STXBP5L: variants seen among roughly 807,000 people sequenced by gnomAD.
The protein encoded by STXBP5L is syntaxin binding protein 5L, also known as syntaxin-binding protein 5-like.
A neutral mutation model predicts 144.5 loss-of-function variants in STXBP5L; 65 were observed. The observed-to-expected ratio is 0.45, with a 90% CI of 0.37 to 0.55. The LOEUF is 0.55. STXBP5L is among the 20% of genes least tolerant of loss of function. The pLI, the probability that STXBP5L is intolerant of heterozygous loss-of-function variation, is 0.00. For synonymous variants in STXBP5L, 505 were observed against 469.6 expected (o/e 1.08, Z -0.97); for missense variants, 1,298 against 1,405.5 (o/e 0.92, Z 1.22).
chr3:121,029,346 G>T (rs1015013254), intron 3 of STXBP5L, among the ~76,000 whole-genome samples: 2 of 151,988 alleles, frequency 1.3e-5, no homozygotes, highest in Admixed American at 6.6e-5. Context: ...TAGACCAATG[G>T]AACACAACAG....
At chr3:121,268,341 T>C (rs1463360983) in intron 18 of STXBP5L, among the ~76,000 whole-genome samples, 1 of 151,878 alleles carries the variant, frequency 6.6e-6, no homozygotes, top group African/African-American at 2.4e-5. Context: ...CACTCATAAG[T>C]GGGAGCTGAG....
rs149237860 is a variant in STXBP5L at position 121,360,409 on chromosome 3, GGTAA to G, written c.2177-18301_2177-18298del. 8.1e-3 allele frequency among the ~76,000 whole-genome samples: 1,233 copies of G among 151,624 alleles called. 6 individuals carry two copies. The highest frequency in any genetic ancestry group is 0.013 in the Non-Finnish European group (904 of 67,824). ...TCCATTTACTTTCAAAGTAATTCTTGGTAAGTAAGGACTTACTCCTGGCATTTTG... is the reference window on the plus strand; with the variant it reads ...TCCATTTACTTTCAAAGTAATTCTTGGTAAGGACTTACTCCTGGCATTTTG... On this transcript the variant is annotated intron_variant, in intron 20 of 26. Transcript: ENST00000471454.
intron 3 of STXBP5L, among the ~76,000 whole-genome samples, chr3:121,017,385 A>G (rs1411596394): frequency 6.6e-6 from 1 of 152,356 alleles, no homozygotes; most frequent in Admixed American, 6.5e-5. Flanking sequence ...TGAACAAGGT[A>G]AGGATGTATC....
At chr3:121,064,515 T>C (rs991610949) in intron 5 of STXBP5L, among the ~76,000 whole-genome samples, 2 of 152,222 alleles carry the variant, frequency 1.3e-5, no homozygotes, top group African/African-American at 4.8e-5. Flanking sequence ...ACCTTGAATC[T>C]ATAGATCATT....
At chr3:121,140,178 A>C (rs149659930) in intron 7 of STXBP5L, among the ~76,000 whole-genome samples, 204 of 152,274 alleles carry the variant, frequency 1.3e-3, no homozygotes, top group African/African-American at 4.2e-3. Flanking sequence ...ATCGCTCATC[A>C]TCAGGGAAAT....
At chr3:121,123,493 G>T (rs1012565077) in intron 7 of STXBP5L, among the ~76,000 whole-genome samples, 7 of 151,298 alleles carry the variant, frequency 4.6e-5, no homozygotes, top group Non-Finnish European at 7.4e-5. Flanking sequence ...TAAAAGAAAA[G>T]TTGCAGAACA....
intron 5 of STXBP5L, among the ~76,000 whole-genome samples, chr3:121,085,726 A>T (rs1304881251): frequency 6.6e-6 from 1 of 152,244 alleles, no homozygotes; most frequent in African/African-American, 2.4e-5. Flanking sequence ...AAGGATCAAT[A>T]TTATGAAAAT....
At chr3:121,348,808 C>T (rs1304462288) in intron 20 of STXBP5L, among the ~76,000 whole-genome samples, 1 of 152,028 alleles carries the variant, frequency 6.6e-6, no homozygotes, top group Non-Finnish European at 1.5e-5. Flanking sequence ...GTGATATCCC[C>T]TTTATCATTA....
chr3:121,201,636 G>A (rs2048142398), intron 9 of STXBP5L, among the ~76,000 whole-genome samples: 1 of 150,830 alleles, frequency 6.6e-6, no homozygotes, highest in Admixed American at 6.6e-5. Flanking sequence ...GTATGTTTTT[G>A]CAGTGGCCGT....
intron 9 of STXBP5L, among the ~76,000 whole-genome samples, chr3:121,205,547 T>C (rs1323723052): frequency 6.6e-6 from 1 of 152,208 alleles, no homozygotes; most frequent in Non-Finnish European, 1.5e-5. Context: ...ACCATAGCAA[T>C]AGTAATACAT....
At chr3:121,007,713 G>T (rs1944449349) in intron 3 of STXBP5L, among the ~76,000 whole-genome samples, 1 of 151,988 alleles carries the variant, frequency 6.6e-6, no homozygotes, top group African/African-American at 2.4e-5. Flanking sequence ...TCAGTGGTTA[G>T]AGAAAGCCTT....
At chr3:121,185,117 A>AC (rs2047321421) in intron 9 of STXBP5L, among the ~76,000 whole-genome samples, 1 of 152,206 alleles carries the variant, frequency 6.6e-6, no homozygotes, top group Non-Finnish European at 1.5e-5. Flanking sequence ...ACCAGATTTT[A>AC]AAGACCATCG....
chr3:121,133,743 T>G (rs2045110349), intron 7 of STXBP5L, among the ~76,000 whole-genome samples: 1 of 152,168 alleles, frequency 6.6e-6, no homozygotes, highest in Admixed American at 6.6e-5. Flanking sequence ...CAAAAGAGAT[T>G]TAATTGACTC....
intron 5 of STXBP5L, among the ~76,000 whole-genome samples, chr3:121,097,044 G>A (rs565171627): frequency 1.2e-3 from 185 of 152,210 alleles, no homozygotes; most frequent in African/African-American, 4.2e-3. Context: ...TGCCCTGCCC[G>A]GAGAGGAGAA....
At chr3:121,352,959 G>A (rs577702631) in intron 20 of STXBP5L, among the ~76,000 whole-genome samples, 2 of 152,146 alleles carry the variant, frequency 1.3e-5, no homozygotes, top group African/African-American at 4.8e-5. Flanking sequence ...TTTGTCATTC[G>A]TTCTGTTTAT....
chr3:120,916,352 G>A (rs1000630599), intron 2 of STXBP5L, among the ~76,000 whole-genome samples: 2 of 152,088 alleles, frequency 1.3e-5, no homozygotes, highest in Non-Finnish European at 2.9e-5. Flanking sequence ...CCAGGCTGGA[G>A]TGCAATGGTG....
intron 7 of STXBP5L, among the ~76,000 whole-genome samples, chr3:121,144,911 G>A (rs919135335): frequency 1.3e-5 from 2 of 151,908 alleles, no homozygotes; most frequent in Middle Eastern, 3.2e-3. Context: ...GTCATAGAAA[G>A]ACAGATTCTT....
chr3:121,186,754 G>C (rs1407630182), intron 9 of STXBP5L, among the ~76,000 whole-genome samples: 1 of 152,012 alleles, frequency 6.6e-6, no homozygotes, highest in East Asian at 1.9e-4. Context: ...GTGGGCAAAG[G>C]GTATGAACAG....
intron 9 of STXBP5L, among the ~76,000 whole-genome samples, chr3:121,202,124 A>G (rs2048162803): frequency 6.6e-6 from 1 of 152,138 alleles, no homozygotes; most frequent in Non-Finnish European, 1.5e-5. Flanking sequence ...AAATCCAATA[A>G]TACATTATTT....
Sources: allele counts gnomAD v4.1 joint callset (sites outside exome capture counted in the v4.1 genomes callset), GRCh38; gene constraint gnomAD v4.1.1; transcripts MANE v1.5; gene names NCBI Gene and HGNC (gene_info 2026-07-23, HGNC 2026-07-21).